Variants in PLCXD2 observed in about 807,000 individuals in gnomAD.
The protein encoded by PLCXD2 is PI-PLC X domain-containing protein 2.
PLCXD2 carries 21 observed loss-of-function variants against 28.6 expected under a neutral mutation model. The ratio of observed to expected loss-of-function variants is 0.73; its 90% CI spans 0.52 to 1.06. PLCXD2 has a LOEUF of 1.06. Ranked by LOEUF, PLCXD2 falls within the 50% of genes least tolerant of loss-of-function variation. PLCXD2 has a pLI of 0.00. For synonymous variants in PLCXD2, 140 were observed against 150.1 expected (o/e 0.93, Z 0.49); for missense variants, 369 against 376.7 (o/e 0.98, Z 0.17).
At chr3:111,722,724 GC>G (rs1941363499) in intron 3 of PLCXD2, 1 of 152,192 alleles carries the variant, frequency 6.6e-6, no homozygotes, top group Admixed American at 6.5e-5. Context: ...GTCTTTTGAT[GC>G]CCATAGATGG....
intron 1 of PLCXD2, among the ~76,000 whole-genome samples, chr3:111,695,612 A>G (rs1940949940): frequency 6.6e-6 from 1 of 152,242 alleles, no homozygotes; most frequent in African/African-American, 2.4e-5. Flanking sequence ...TAGAAAACAT[A>G]CAGAAAAACT....
chr3:111,714,149 C>G, intron 3 of PLCXD2, 21 bp downstream of exon 3: 2 of 1,606,942 alleles, frequency 1.2e-6, no homozygotes, highest in Middle Eastern at 1.7e-4. Context: ...GCTTCCACCC[C>G]ACAAGGAAAG....
At chr3:111,710,404 C>G (rs1313638495) in intron 2 of PLCXD2, among the ~76,000 whole-genome samples, 1 of 152,166 alleles carries the variant, frequency 6.6e-6, no homozygotes, top group African/African-American at 2.4e-5. Context: ...GAGCTACGTA[C>G]ATGGATTAAC....
At chr3:111,689,833 A>G (rs902409150) in intron 1 of PLCXD2, among the ~76,000 whole-genome samples, 7 of 152,242 alleles carry the variant, frequency 4.6e-5, no homozygotes, top group African/African-American at 1.7e-4. Flanking sequence ...GTAACGCCTA[A>G]GGTAAGACAA....
intron 1 of PLCXD2, among the ~76,000 whole-genome samples, chr3:111,681,258 T>C (rs1178354232): frequency 6.6e-6 from 1 of 152,202 alleles, no homozygotes; most frequent in Non-Finnish European, 1.5e-5. Context: ...CAGAAAACTT[T>C]CTTTAGTTAT....
At chr3:111,683,681 A>G (rs1940750839) in intron 1 of PLCXD2, among the ~76,000 whole-genome samples, 1 of 152,186 alleles carries the variant, frequency 6.6e-6, no homozygotes, top group East Asian at 1.9e-4. Flanking sequence ...AGCTGACAGT[A>G]TAGTTGGAGA....
intron 3 of PLCXD2, among the ~76,000 whole-genome samples, chr3:111,716,700 A>C (rs57971051): frequency 0.13 from 19,906 of 152,136 alleles, 1,439 homozygotes; most frequent in African/African-American, 0.18. Flanking sequence ...TCCAGGGTGC[A>C]TTGTGTTGTG....
intron 1 of PLCXD2, chr3:111,677,105 A>G (rs545331095): frequency 3.9e-5 from 6 of 152,282 alleles, no homozygotes; most frequent in Non-Finnish European, 8.8e-5. Context: ...GATCATGCAA[A>G]TTCTTTCACC....
At chr3:111,696,417 C>A (rs2107851476) in intron 1 of PLCXD2, among the ~76,000 whole-genome samples, 1 of 152,172 alleles carries the variant, frequency 6.6e-6, no homozygotes, top group Admixed American at 6.5e-5. Context: ...CAGCTGAGAT[C>A]TTATTAATTT....
intron 1 of PLCXD2, among the ~76,000 whole-genome samples, chr3:111,704,199 C>T (rs766017429): frequency 2.3e-4 from 35 of 151,352 alleles, no homozygotes; most frequent in East Asian, 1.2e-3. Context: ...GGTAATATTG[C>T]GGGGGGTAGT....
At chr3:111,714,861 T>C (rs1283156496) in intron 3 of PLCXD2, among the ~76,000 whole-genome samples, 5 of 152,240 alleles carry the variant, frequency 3.3e-5, no homozygotes, top group Admixed American at 2.0e-4. Flanking sequence ...AAAGGAATGT[T>C]ATAAATACAT....
At chr3:111,709,532 G>A (rs918803493) in intron 2 of PLCXD2, among the ~76,000 whole-genome samples, 5 of 152,032 alleles carry the variant, frequency 3.3e-5, no homozygotes, top group Non-Finnish European at 7.4e-5. Flanking sequence ...TATGGAAAAC[G>A]AAAAGGTCAA....
chr3:111,681,489 A>C (rs1025049015), intron 1 of PLCXD2, among the ~76,000 whole-genome samples: 10 of 152,120 alleles, frequency 6.6e-5, no homozygotes, highest in African/African-American at 1.7e-4. Context: ...ATCCTTATAC[A>C]TGTTTTATAA....
intron 1 of PLCXD2, among the ~76,000 whole-genome samples, chr3:111,689,326 GA>G (rs1480135534): frequency 6.6e-6 from 1 of 152,206 alleles, no homozygotes; most frequent in Non-Finnish European, 1.5e-5. Context: ...ACAGGAGAAG[GA>G]AATGGGAAAG....
intron 1 of PLCXD2, among the ~76,000 whole-genome samples, chr3:111,678,738 C>A (rs1324875992): frequency 1.3e-5 from 2 of 151,980 alleles, no homozygotes; most frequent in Non-Finnish European, 2.9e-5. Context: ...AATATAGAGT[C>A]CTTTCCAGAT....
intron 1 of PLCXD2, among the ~76,000 whole-genome samples, chr3:111,694,300 A>G (rs1470252059): frequency 6.6e-6 from 1 of 152,198 alleles, no homozygotes; most frequent in East Asian, 1.9e-4. Context: ...CAAGTATGTC[A>G]AAAGCTATTA....
intron 1 of PLCXD2, among the ~76,000 whole-genome samples, chr3:111,703,348 G>A (rs1379345017): frequency 6.6e-6 from 1 of 152,168 alleles, no homozygotes; most frequent in East Asian, 1.9e-4. Flanking sequence ...CTGTGGGATG[G>A]GCTGGGTACC....
intron 1 of PLCXD2, among the ~76,000 whole-genome samples, chr3:111,699,304 A>C (rs746429729): frequency 6.6e-6 from 1 of 152,210 alleles, no homozygotes; most frequent in Non-Finnish European, 1.5e-5. Context: ...ATCATTTCAT[A>C]GTGTGTGTTT....
intron 2 of PLCXD2, among the ~76,000 whole-genome samples, chr3:111,712,529 C>G (rs1438894988): frequency 6.6e-6 from 1 of 152,208 alleles, no homozygotes; most frequent in Admixed American, 6.5e-5. Flanking sequence ...ACGTCATTAG[C>G]AGTCAGTCAG....
Sources: allele counts gnomAD v4.1 joint callset (sites outside exome capture counted in the v4.1 genomes callset), GRCh38; gene constraint gnomAD v4.1.1; transcripts MANE v1.5; gene names NCBI Gene and HGNC (gene_info 2026-07-23, HGNC 2026-07-21).